FOXN3: variants seen among roughly 807,000 people sequenced by gnomAD.
The protein encoded by FOXN3 is forkhead box N3.
A neutral mutation model predicts 38.4 loss-of-function variants in FOXN3; 7 were observed. That is an observed-to-expected ratio of 0.18 (90% CI 0.10 to 0.34). FOXN3 has a LOEUF of 0.34. Among genes scored for constraint, FOXN3 ranks in the 10% least tolerant of loss-of-function variants. The pLI is 1.00. For synonymous variants in FOXN3, 230 were observed against 242.2 expected (o/e 0.95, Z 0.47); for missense variants, 456 against 613.4 (o/e 0.74, Z 2.71).
intron 1 of FOXN3, among the ~76,000 whole-genome samples, chr14:89,491,486 T>C (rs902876228): frequency 6.6e-6 from 1 of 152,206 alleles, no homozygotes; most frequent in African/African-American, 2.4e-5. Context: ...GCCTATGTGC[T>C]TTCAAGTATG....
At chr14:89,461,351 ATC>A (rs955699499) in intron 1 of FOXN3, among the ~76,000 whole-genome samples, 3 of 151,698 alleles carry the variant, frequency 2.0e-5, no homozygotes, top group African/African-American at 7.3e-5. Context: ...AAAAAAAAAA[ATC>A]TCTCAGTCTG....
At chr14:89,309,380 C>T (rs1266230683) in intron 3 of FOXN3, among the ~76,000 whole-genome samples, 1 of 152,132 alleles carries the variant, frequency 6.6e-6, no homozygotes, top group Non-Finnish European at 1.5e-5. Flanking sequence ...ACTGGGCAGG[C>T]GCAGAGGGGC....
chr14:89,181,133 G>A (rs1012954519), intron 4 of FOXN3, among the ~76,000 whole-genome samples: 3 of 151,916 alleles, frequency 2.0e-5, no homozygotes, highest in Non-Finnish European at 4.4e-5. Flanking sequence ...GAGTAAGACA[G>A]ACAGAAAGAT....
intron 1 of FOXN3, among the ~76,000 whole-genome samples, chr14:89,469,080 T>C (rs1329949818): frequency 6.6e-6 from 1 of 152,248 alleles, no homozygotes; most frequent in Non-Finnish European, 1.5e-5. Flanking sequence ...TTGTGTTGAT[T>C]TGAACCTCTT....
Position 89,521,358 on chromosome 14 carries a change from T to TAGATAGATAG in FOXN3, c.-15+97669_-15+97670insCTATCTATCT, listed in dbSNP as rs554058509. Among the ~76,000 whole-genome samples, 205 of 125,060 alleles carry TAGATAGATAG rather than the reference T, an allele frequency of 1.6e-3. 1 individual carries two copies. Among genetic ancestry groups the TAGATAGATAG allele is most frequent in the African/African-American group, 5.3e-3 (197 of 37,144 alleles). 82.0% of individuals were successfully genotyped at this position (125,060 alleles called of 152,430 possible). On this transcript the variant is annotated intron_variant, in intron 1 of 6. Transcript: ENST00000345097. Reference sequence around the variant, plus strand: ...ATGATGAATCTTCATAGATGATAGATAGAGAGAGAGAGAGAGAGAGAGAGA... The same window carrying TAGATAGATAG: ...ATGATGAATCTTCATAGATGATAGATAGATAGATAGAGAGAGAGAGAGAGAGAGAGAGAGA...
At chr14:89,436,034 T>G (rs1892269178) in intron 1 of FOXN3, among the ~76,000 whole-genome samples, 1 of 149,892 alleles carries the variant, frequency 6.7e-6, no homozygotes, top group African/African-American at 2.5e-5. Flanking sequence ...AGAGATAGGG[T>G]CTTGCTATGT....
intron 4 of FOXN3, among the ~76,000 whole-genome samples, chr14:89,255,429 T>C (rs1430645935): frequency 6.6e-6 from 1 of 152,122 alleles, no homozygotes; most frequent in Admixed American, 6.5e-5. Flanking sequence ...CAACAAGCAT[T>C]GGTTCTCTCG....
chr14:89,341,062 A>G (rs1888600237), intron 3 of FOXN3, among the ~76,000 whole-genome samples: 1 of 152,124 alleles, frequency 6.6e-6, no homozygotes, highest in African/African-American at 2.4e-5. Context: ...AGAAACTCAG[A>G]AACAACATCT....
chr14:89,509,040 C>T (rs1464915890), intron 1 of FOXN3, among the ~76,000 whole-genome samples: 2 of 152,100 alleles, frequency 1.3e-5, no homozygotes, highest in African/African-American at 4.8e-5. Context: ...CTCCGCTCTA[C>T]CCCCACTGAT....
At chr14:89,439,651 T>C (rs1892336886) in intron 1 of FOXN3, among the ~76,000 whole-genome samples, 1 of 142,302 alleles carries the variant, frequency 7.0e-6, no homozygotes, top group Non-Finnish European at 1.5e-5. Flanking sequence ...AGCCATTCTT[T>C]TATTCCTTTT....
At chr14:89,310,164 A>G (rs1021539879) in intron 3 of FOXN3, among the ~76,000 whole-genome samples, 1 of 152,242 alleles carries the variant, frequency 6.6e-6, no homozygotes, top group Admixed American at 6.5e-5. Flanking sequence ...ATCCTCTGCT[A>G]CAATGAATAG....
At chr14:89,192,491 T>G (rs1198244808) in intron 4 of FOXN3, among the ~76,000 whole-genome samples, 1 of 141,028 alleles carries the variant, frequency 7.1e-6, no homozygotes, top group Non-Finnish European at 1.5e-5. Context: ...TTACATATAA[T>G]AGTTAACATT....
In FOXN3 at chr14:89,522,930, TA is replaced by T. The variant is rs61658118; in HGVS notation, c.-15+96097del. ...AAAAACACAGACTGTCAGATAAGAT[TA>T]AAAAAAAACCCCACAAGACCAAACT... On this transcript the variant is annotated intron_variant, in intron 1 of 6. Transcript: ENST00000345097. Among the ~76,000 whole-genome samples, 29 of 150,164 alleles carry T rather than the reference TA, an allele frequency of 1.9e-4. No homozygotes were observed. In the East Asian group the frequency reaches 3.7e-3, roughly 19 times the overall value.
At position 89,210,484 on chromosome 14, in the gene FOXN3, C is replaced by T. The variant is rs571640581; in HGVS notation, c.746-29678G>A. Among the ~76,000 whole-genome samples the T allele has an allele frequency of 7.9e-5, 12 of 152,194 alleles. No individual in the cohort carries two copies. In the South Asian group the frequency reaches 1.9e-3, roughly 24 times the overall value. On this transcript the variant is annotated intron_variant, in intron 4 of 5. Coordinates refer to ENST00000557258, the MANE Select transcript of FOXN3 (RefSeq NM_005197.4). ...TCTCAGGTATTTCTTTACAGCAATG[C>T]GAGAATGGACTAAGACACATACTGT...
chr14:89,524,220 A>C (rs1894380382), intron 1 of FOXN3, among the ~76,000 whole-genome samples: 1 of 147,946 alleles, frequency 6.8e-6, no homozygotes, highest in African/African-American at 2.5e-5. Flanking sequence ...TAAAAATACA[A>C]AAAATTAGCC....
At chr14:89,217,577 C>A (rs1884325470) in intron 4 of FOXN3, among the ~76,000 whole-genome samples, 1 of 152,232 alleles carries the variant, frequency 6.6e-6, no homozygotes, top group Admixed American at 6.5e-5. Context: ...TGCTTTTGGG[C>A]AACCCACTTC....
At chr14:89,178,102 G>T (rs1365594668) in intron 5 of FOXN3, among the ~76,000 whole-genome samples, 1 of 152,054 alleles carries the variant, frequency 6.6e-6, no homozygotes. Flanking sequence ...TGACCTCCCA[G>T]GCTCAAGGGA....
intron 2 of FOXN3, among the ~76,000 whole-genome samples, chr14:89,393,515 T>C (rs1891015858): frequency 1.3e-5 from 2 of 152,194 alleles, no homozygotes; most frequent in African/African-American, 2.4e-5. Context: ...CATTCATGGC[T>C]GTCTCTGAAG....
intron 1 of FOXN3, among the ~76,000 whole-genome samples, chr14:89,607,132 T>A (rs1451933459): frequency 6.6e-6 from 1 of 152,176 alleles, no homozygotes; most frequent in East Asian, 1.9e-4. Context: ...ACACTTAATG[T>A]TGGTGAGGGT....
Sources: gnomAD v4.1 joint callset for allele counts (sites outside exome capture counted in the v4.1 genomes callset) on GRCh38, gnomAD v4.1.1 for gene constraint, MANE v1.5 for transcripts, NCBI Gene and HGNC (gene_info 2026-07-23, HGNC 2026-07-21) for gene names.